The following LOXL2 variants were observed in gnomAD, a reference collection of about 807,000 sequenced individuals.
LOXL2 encodes lysyl oxidase like 2.
LOXL2 carries 70 observed loss-of-function variants against 93.0 expected under a neutral mutation model. The observed-to-expected ratio is 0.75, with a 90% CI of 0.62 to 0.92. LOXL2 has a LOEUF of 0.92. LOXL2 is among the 40% of genes least tolerant of loss of function. The pLI, the probability that LOXL2 is intolerant of heterozygous loss-of-function variation, is 0.00. For missense variants in LOXL2, 973 were observed against 1,054.9 expected, an observed-to-expected ratio of 0.92 and a Z score of 1.08; for synonymous variants, 438 against 413.2, an observed-to-expected ratio of 1.06 and a Z score of -0.73.
chr8:23,306,472 C>T lies in LOXL2; in HGVS notation c.1881-3075G>A, dbSNP rs375137680. Reference sequence around the variant, plus strand: ...AAAGGCAGAGGCCCTTCTGCTAGCTCCACGCCCCCATCCCCCTGTGCCAGG... The same window carrying T: ...AAAGGCAGAGGCCCTTCTGCTAGCTTCACGCCCCCATCCCCCTGTGCCAGG... On this transcript the variant is annotated intron_variant, in intron 10 of 13. Transcript: ENST00000389131. Among the ~76,000 whole-genome samples the T allele has an allele frequency of 5.6e-4, 85 of 152,364 alleles. 2 individuals carry two copies. In the South Asian group the frequency reaches 0.016, roughly 28 times the overall value.
intron 1 of LOXL2, among the ~76,000 whole-genome samples, chr8:23,370,302 G>A (rs894833917): frequency 6.6e-6 from 1 of 152,054 alleles, no homozygotes; most frequent in Non-Finnish European, 1.5e-5. Context: ...TCTTCACAGA[G>A]ACCTTCCTAG....
intron 12 of LOXL2, among the ~76,000 whole-genome samples, chr8:23,300,221 G>T (rs986442429): frequency 6.6e-6 from 1 of 152,240 alleles, no homozygotes; most frequent in Non-Finnish European, 1.5e-5. Context: ...AGTGTTACGT[G>T]TGGGGTGGAG....
At chr8:23,319,802 C>A in intron 8 of LOXL2, 83 bp downstream of exon 8, 1 of 1,443,378 alleles carries the variant, frequency 6.9e-7, no homozygotes, top group Non-Finnish European at 9.5e-7. Flanking sequence ...AGGGAGGGTA[C>A]GTGGGAGAGG....
chr8:23,383,227 G>A (rs139415178), intron 1 of LOXL2, among the ~76,000 whole-genome samples: 1 of 152,154 alleles, frequency 6.6e-6, no homozygotes, highest in Non-Finnish European at 1.5e-5. Context: ...TGGGTGTCTT[G>A]GAATCAGAAC....
At chr8:23,399,060 G>GT (rs1222811643) in intron 1 of LOXL2, among the ~76,000 whole-genome samples, 2 of 152,198 alleles carry the variant, frequency 1.3e-5, no homozygotes, top group Non-Finnish European at 2.9e-5. Context: ...ACTCAGCTGT[G>GT]TGTTGCTCTG....
intron 1 of LOXL2, chr8:23,370,842 G>A (rs1275870664): frequency 6.6e-6 from 1 of 152,230 alleles, no homozygotes; most frequent in African/African-American, 2.4e-5. Context: ...AGAAGCCAGG[G>A]CATAGGAAGG....
At chr8:23,319,849 G>A in intron 8 of LOXL2, 36 bp downstream of exon 8, 1 of 1,603,840 alleles carries the variant, frequency 6.2e-7, no homozygotes, top group South Asian at 1.1e-5. Flanking sequence ...GACTGCATGG[G>A]GGGTGAATGC....
chr8:23,342,176 G>C (rs972318338), intron 3 of LOXL2, among the ~76,000 whole-genome samples: 4 of 152,172 alleles, frequency 2.6e-5, no homozygotes, highest in African/African-American at 9.7e-5. Flanking sequence ...ACCTAGACCT[G>C]AGTCCCAGGG....
At chr8:23,326,586 T>A (rs781071467) in intron 6 of LOXL2, among the ~76,000 whole-genome samples, 6 of 152,142 alleles carry the variant, frequency 3.9e-5, no homozygotes, top group Non-Finnish European at 5.9e-5. Context: ...AAACCCCGTC[T>A]TTACTAAAAA....
At chr8:23,386,225 C>G (rs955552632) in intron 1 of LOXL2, among the ~76,000 whole-genome samples, 1 of 152,132 alleles carries the variant, frequency 6.6e-6, no homozygotes, top group African/African-American at 2.4e-5. Context: ...AATCCCATCT[C>G]TACTAAAAAA....
chr8:23,378,893 A>G (rs1460826171), intron 1 of LOXL2, among the ~76,000 whole-genome samples: 1 of 152,100 alleles, frequency 6.6e-6, no homozygotes, highest in Non-Finnish European at 1.5e-5. Flanking sequence ...TTCCTCCTTT[A>G]GCTTGGAGTA....
chr8:23,328,205 T>C (rs1056362466), intron 6 of LOXL2, among the ~76,000 whole-genome samples, 177 bp downstream of exon 6: 1 of 152,086 alleles, frequency 6.6e-6, no homozygotes, highest in African/African-American at 2.4e-5. Context: ...GTCTCAGTGT[T>C]CTCTAAGGCC....
intron 1 of LOXL2, among the ~76,000 whole-genome samples, chr8:23,402,184 C>T (rs918282859): frequency 6.6e-6 from 1 of 152,132 alleles, no homozygotes; most frequent in African/African-American, 2.4e-5. Context: ...TGCACACACA[C>T]GTGCCCGCGC....
At chr8:23,353,883 G>A (rs7001830) in intron 3 of LOXL2, among the ~76,000 whole-genome samples, 121,085 of 152,152 alleles carry the variant, frequency 0.8, 48,488 homozygotes, top group East Asian at 0.94. Context: ...CACTTGCCCA[G>A]TTGTTCTGGA....
intron 10 of LOXL2, 94 bp from the exon 11 acceptor site, chr8:23,303,491 T>C (rs1803175279): frequency 2.7e-6 from 2 of 741,708 alleles, no homozygotes; most frequent in Non-Finnish European, 4.8e-6. Flanking sequence ...CTGGGAATAC[T>C]TCCAGGGGAC....
intron 9 of LOXL2, among the ~76,000 whole-genome samples, chr8:23,314,910 C>T (rs915578280): frequency 5.9e-5 from 9 of 152,188 alleles, no homozygotes; most frequent in Non-Finnish European, 1.2e-4. Context: ...CCCTGCGGCA[C>T]CACGGAGGGT....
chr8:23,304,346 G>A (rs908825773), intron 10 of LOXL2, among the ~76,000 whole-genome samples: 1 of 152,202 alleles, frequency 6.6e-6, no homozygotes, highest in African/African-American at 2.4e-5. Flanking sequence ...CGGGGCTGTC[G>A]CCTGTTGCTG....
At position 23,341,024 on chromosome 8, in the gene LOXL2, AG is replaced by A. The variant is rs747716075; in HGVS notation, c.710del (p.Pro237LeufsTer50). On this transcript the variant is annotated frameshift_variant, in exon 4 of 14. Coordinates refer to ENST00000389131, the MANE Select transcript of LOXL2 (RefSeq NM_002318.3). LOFTEE classifies it high-confidence loss of function. ...CTTTGGTATTGTATGTCCTCTCCCC[AG>A]GGAAGCCAAACATGCCGCAGACCAC... ...SRVVCGMFGF[P>X]GERTYNTKVY... The A allele has an allele frequency of 6.2e-7, 1 of 1,614,158 alleles. No individual in the cohort carries two copies. The highest frequency in any genetic ancestry group is 1.1e-5 in the South Asian group (1 of 91,084).
intron 10 of LOXL2, 48 bp from the exon 11 acceptor site, chr8:23,303,445 C>A (rs767490238): frequency 8.8e-7 from 1 of 1,132,816 alleles, no homozygotes; most frequent in South Asian, 1.2e-5. Flanking sequence ...GGAGCAACTG[C>A]TGCTTGCAAG....
Sources: gnomAD v4.1 joint callset for allele counts (sites outside exome capture counted in the v4.1 genomes callset) on GRCh38, gnomAD v4.1.1 for gene constraint, MANE v1.5 for transcripts, NCBI Gene and HGNC (gene_info 2026-07-23, HGNC 2026-07-21) for gene names.